The following CADPS variants were observed in gnomAD, a reference collection of about 807,000 sequenced individuals.
CADPS encodes the protein calcium-dependent secretion activator 1.
In CADPS, 57 loss-of-function variants were observed where a neutral mutation model predicts 167.3. That is an observed-to-expected ratio of 0.34 (90% CI 0.28 to 0.42). The LOEUF is 0.42. CADPS is among the 20% of genes least tolerant of loss of function. The pLI, the probability that CADPS is intolerant of heterozygous loss-of-function variation, is 1.00. For missense variants in CADPS, 1,414 were observed against 1,738.1 expected, an observed-to-expected ratio of 0.81 and a Z score of 3.32; for synonymous variants, 676 against 635.3, an observed-to-expected ratio of 1.06 and a Z score of -0.96.
At chr3:62,468,596 A>G (rs1267335997) in intron 24 of CADPS, among the ~76,000 whole-genome samples, 2 of 152,140 alleles carry the variant, frequency 1.3e-5, no homozygotes, top group African/African-American at 4.8e-5. Context: ...ATAAGGAGAC[A>G]TGGTTGAGAC....
intron 3 of CADPS, among the ~76,000 whole-genome samples, chr3:62,671,084 C>T (rs1253894041): frequency 1.3e-5 from 2 of 152,102 alleles, no homozygotes; most frequent in African/African-American, 4.8e-5. Context: ...CTGTCTGTGC[C>T]CTTATTTGCA....
At chr3:62,834,457 C>T (rs1289357872) in intron 1 of CADPS, among the ~76,000 whole-genome samples, 2 of 152,166 alleles carry the variant, frequency 1.3e-5, no homozygotes, top group African/African-American at 4.8e-5. Context: ...CAGTGATAAA[C>T]TGAGGCAAGA....
At chr3:62,761,045 A>G (rs1449100159) in intron 2 of CADPS, among the ~76,000 whole-genome samples, 1 of 152,178 alleles carries the variant, frequency 6.6e-6, no homozygotes, top group East Asian at 1.9e-4. Context: ...GTGGGTTGGC[A>G]TGAGAATGGA....
At chr3:62,727,613 A>G (rs558655) in intron 3 of CADPS, among the ~76,000 whole-genome samples, 34,391 of 151,678 alleles carry the variant, frequency 0.23, 4,398 homozygotes, top group African/African-American at 0.31. Context: ...GCGGAGATGT[A>G]GGGCTTTTCC....
chr3:62,753,459 G>A lies in CADPS; in HGVS notation c.870C>T (p.Leu290=). The stretch of plus-strand genomic sequence containing the variant: ...ACCTTACCTGGCAGGCATTGTAAAG[G>A]AGCTGATGTTCGAACTTCTTGATCC... ...ILGIKKFEHQ[L]LYNACQLDNP... is the part of the protein sequence containing the mutation. Residue 290 remains leucine (L), a synonymous_variant, in exon 3 of 30, where the codon CTC becomes CTT. Transcript: ENST00000383710. The surrounding 1 kb of genome is among the most constrained non-coding windows in gnomAD (Gnocchi z 4.6). 6.2e-7 allele frequency: 1 copy of A among 1,611,962 alleles called. No individual in the cohort carries two copies. The highest frequency in any genetic ancestry group is 2.2e-5 in the East Asian group (1 of 44,822).
rs895684741 is a variant in CADPS, at chr3:62,584,015, T to C, written c.1577+1170A>G. On this transcript the variant is annotated intron_variant, in intron 8 of 29. Coordinates refer to ENST00000383710, the MANE Select transcript of CADPS (RefSeq NM_003716.4). Reference sequence around the variant, plus strand: ...CATCTACCCAATCCTCTTTTTTTTTTTTTTTTTGAGATGGAGTCTCATTCT... The same window carrying C: ...CATCTACCCAATCCTCTTTTTTTTTCTTTTTTTGAGATGGAGTCTCATTCT... Among the ~76,000 whole-genome samples the C allele has an allele frequency of 1.3e-3, 203 of 151,438 alleles. 2 individuals carry two copies. The highest frequency in any genetic ancestry group is 4.2e-3 in the African/African-American group (174 of 41,280).
chr3:62,721,506 C>T (rs1261511561), intron 3 of CADPS, among the ~76,000 whole-genome samples: 1 of 151,988 alleles, frequency 6.6e-6, no homozygotes, highest in African/African-American at 2.4e-5. Flanking sequence ...ACCGTATCAC[C>T]GCCTTCTAAG....
intron 1 of CADPS, among the ~76,000 whole-genome samples, chr3:62,824,185 A>G (rs2152951280): frequency 6.6e-6 from 1 of 152,060 alleles, no homozygotes; most frequent in South Asian, 2.1e-4. Context: ...AAAAAAAAGA[A>G]AAAAGAAAGA....
In CADPS at chr3:62,712,820, C is replaced by T. The variant is rs868171443; in HGVS notation, c.888+40621G>A. On this transcript the variant is annotated intron_variant, in intron 3 of 29. Coordinates refer to ENST00000383710, the MANE Select transcript of CADPS (RefSeq NM_003716.4). ...GTGGATTTCCCTGAGACTTTGACAA[C>T]TGGTCATAAATTGTGCTCTAGGGCA... 1.5e-4 allele frequency among the ~76,000 whole-genome samples: 23 copies of T among 152,286 alleles called. No individual in the cohort carries two copies. In the Middle Eastern group the frequency reaches 0.024, roughly 158 times the overall value.
Position 62,465,113 on chromosome 3 carries a change from A to C in CADPS, c.3636+254T>G, listed in dbSNP as rs988518482. Among the ~76,000 whole-genome samples, 2 of 152,246 alleles carry C rather than the reference A, an allele frequency of 1.3e-5. No homozygotes were observed. The highest frequency in any genetic ancestry group is 4.8e-5 in the African/African-American group (2 of 41,464). The stretch of plus-strand genomic sequence containing the variant: ...TAGGTAGGCAAATCTCTGGATGCAT[A>C]CAAATAGCAATGTGTGTGTGTGTTC... On this transcript the variant is annotated intron_variant, in intron 26 of 29. Coordinates refer to ENST00000383710, the MANE Select transcript of CADPS (RefSeq NM_003716.4). The surrounding 1 kb of genome is among the most constrained non-coding windows in gnomAD (Gnocchi z 4.1).
At position 62,514,862 on chromosome 3, in the gene CADPS, T is replaced by C. The variant is rs534364405; in HGVS notation, c.2581+1197A>G. On this transcript the variant is annotated intron_variant, in intron 16 of 29. Coordinates refer to ENST00000383710, the MANE Select transcript of CADPS (RefSeq NM_003716.4). This position sits in a 1 kb window ranked among gnomAD's most constrained non-coding sequence, Gnocchi z 4.2. The stretch of plus-strand genomic sequence containing the variant: ...ACAATTATTTGCTAATATAGCCCTT[T>C]AACGACCTCTTGTTCCTCTATTTTT... 6.6e-6 allele frequency among the ~76,000 whole-genome samples: 1 copy of C among 152,268 alleles called. No homozygotes were observed. The highest frequency in any genetic ancestry group is 6.5e-5 in the Admixed American group (1 of 15,282).
At chr3:62,402,935 C>A in intron 29 of CADPS, 146 bp downstream of exon 29, 1 of 502,420 alleles carries the variant, frequency 2.0e-6, no homozygotes. Context: ...TCATGCATCA[C>A]AAAACAATTG....
chr3:62,776,782 T>C (rs186437572), intron 1 of CADPS, among the ~76,000 whole-genome samples: 4 of 152,184 alleles, frequency 2.6e-5, no homozygotes, highest in East Asian at 1.9e-4. Context: ...GGGCCCTGAA[T>C]AGTATCTAGA....
At chr3:62,578,571 C>G (rs896512790) in intron 8 of CADPS, among the ~76,000 whole-genome samples, 1 of 142,482 alleles carries the variant, frequency 7.0e-6, no homozygotes, top group African/African-American at 2.7e-5. Context: ...GATCATGCCA[C>G]TGCACTCCAG....
At position 62,481,885 on chromosome 3, in the gene CADPS, A is replaced by G. The variant is rs1027547159; in HGVS notation, c.3027-16T>C. The G allele has an allele frequency of 3.1e-6, 5 of 1,601,480 alleles. No individual in the cohort carries two copies. The Admixed American group carries it at 5.2e-5, about 17-fold the overall frequency. On this transcript the variant is annotated splice_polypyrimidine_tract_variant and intron_variant, in intron 21 of 29. Transcript: ENST00000383710. ...GGTTAAACTCCTGTGGAAGAAACAG[A>G]CAGAAAGAAAAAATACCATCACAGT...
At chr3:62,670,656 T>G (rs2075346798) in intron 3 of CADPS, among the ~76,000 whole-genome samples, 1 of 152,070 alleles carries the variant, frequency 6.6e-6, no homozygotes, top group African/African-American at 2.4e-5. Context: ...TGCAGCAATT[T>G]TCTGAACAAG....
chr3:62,556,745 T>C (rs1179827378), intron 10 of CADPS, among the ~76,000 whole-genome samples: 2 of 151,946 alleles, frequency 1.3e-5, no homozygotes, highest in Non-Finnish European at 2.9e-5. Flanking sequence ...ATGTAGAACT[T>C]ATGCGGTGTA....
chr3:62,518,192 C>T lies in CADPS; in HGVS notation c.2350G>A (p.Glu784Lys). The change falls in exon 14 of 30, where the codon GAG becomes AAG. Residue 784 changes from glutamate to lysine, a missense_variant. By Grantham distance (56) the Glu-to-Lys change is moderately conservative (BLOSUM62 1). Coordinates refer to ENST00000383710, the MANE Select transcript of CADPS (RefSeq NM_003716.4). ...EEKERFEEIKERLRVLLENQI... is the reference protein window; with the variant it reads ...EEKERFEEIKKRLRVLLENQI... ...TTTTCTAGCAGAACTCGGAGCCTCT[C>T]TTTGATTTCTTCAAAACGTTCCTTT... The T allele has an allele frequency of 6.2e-7, 1 of 1,612,910 alleles. No homozygotes were observed. Among genetic ancestry groups the T allele is most frequent in the Non-Finnish European group, 8.5e-7 (1 of 1,179,494 alleles).
chr3:62,688,330 G>GT (rs1305752427), intron 3 of CADPS, among the ~76,000 whole-genome samples: 1 of 152,072 alleles, frequency 6.6e-6, no homozygotes, highest in Non-Finnish European at 1.5e-5. Context: ...ATGGAGCTAA[G>GT]TGAGTTTTGT....
Sources: allele counts gnomAD v4.1 joint callset (sites outside exome capture counted in the v4.1 genomes callset), GRCh38; gene constraint gnomAD v4.1.1; non-coding constraint Gnocchi (gnomAD v3.1); transcripts MANE v1.5; gene names NCBI Gene and HGNC (gene_info 2026-07-23, HGNC 2026-07-21).